WWOX: variants seen among roughly 807,000 people sequenced by gnomAD.
WWOX encodes the protein WW domain containing oxidoreductase.
A neutral mutation model predicts 46.2 loss-of-function variants in WWOX; 69 were observed. The ratio of observed to expected loss-of-function variants is 1.49; its 90% CI spans 1.23 to 1.82. The LOEUF is 1.82. Among genes scored for constraint, WWOX ranks in the 40% most tolerant of loss-of-function variants. The probability of loss-of-function intolerance (pLI) is 0.00; values close to 1 mark genes in which losing one functional copy is unlikely to be tolerated. For synonymous variants in WWOX, 359 were observed against 202.6 expected (o/e 1.77, Z -6.56); for missense variants, 919 against 542.6 (o/e 1.69, Z -6.89).
chr16:78,378,691 A>G (rs760145525), intron 5 of WWOX, among the ~76,000 whole-genome samples: 14 of 152,322 alleles, frequency 9.2e-5, no homozygotes, highest in Admixed American at 2.0e-4. Context: ...GACTGAGAGT[A>G]TGTAAAGCGG....
intron 8 of WWOX, among the ~76,000 whole-genome samples, chr16:78,678,290 C>T (rs114212716): frequency 0.02 from 3,068 of 152,254 alleles, 114 homozygotes; most frequent in African/African-American, 0.069. Context: ...ACAGGAGGAT[C>T]GCTTGAGCCC....
In WWOX at chr16:79,212,110, CTTTTACTGTTATAGAATA is replaced by C. The variant is rs766587457; in HGVS notation, c.*315_*332del. On this transcript the variant is annotated 3_prime_UTR_variant, in exon 9 of 9. Coordinates refer to ENST00000566780, the MANE Select transcript of WWOX (RefSeq NM_016373.4). ...TGGAGAAGCACCAGCAATTCTCTTT[CTTTTACTGTTATAGAATA>C]GCCTGAGGTCCCCTCGTCCCATCCA... The C allele has an allele frequency of 9.1e-6, 14 of 1,535,676 alleles. 1 individual carries two copies. In the South Asian group the frequency reaches 1.7e-4, roughly 18 times the overall value.
chr16:78,942,399 G>A (rs2045869785), intron 8 of WWOX, among the ~76,000 whole-genome samples: 1 of 152,032 alleles, frequency 6.6e-6, no homozygotes, highest in African/African-American at 2.4e-5. Flanking sequence ...TTGCACTCTC[G>A]GGAGCAGTTT....
At chr16:78,905,482 AG>A (rs2044938495) in intron 8 of WWOX, among the ~76,000 whole-genome samples, 1 of 152,176 alleles carries the variant, frequency 6.6e-6, no homozygotes, top group Admixed American at 6.5e-5. Context: ...CCTGGGTGCA[AG>A]TAATCCTCCC....
At chr16:78,686,698 G>T (rs1468664221) in intron 8 of WWOX, among the ~76,000 whole-genome samples, 5 of 152,122 alleles carry the variant, frequency 3.3e-5, no homozygotes, top group African/African-American at 1.2e-4. Flanking sequence ...CGGGAATCCA[G>T]TTGTTTTAGG....
intron 8 of WWOX, among the ~76,000 whole-genome samples, chr16:79,139,581 T>C (rs2050048828): frequency 6.6e-6 from 1 of 152,248 alleles, no homozygotes; most frequent in African/African-American, 2.4e-5. Flanking sequence ...GGGCTTTTTC[T>C]TTTTTCTTTT....
At chr16:78,857,304 A>G (rs973571404) in intron 8 of WWOX, among the ~76,000 whole-genome samples, 4 of 152,226 alleles carry the variant, frequency 2.6e-5, no homozygotes, top group Admixed American at 1.3e-4. Flanking sequence ...GAAATTGAAC[A>G]ATGAGATACT....
At chr16:78,852,335 C>G (rs1249179019) in intron 8 of WWOX, among the ~76,000 whole-genome samples, 4 of 152,170 alleles carry the variant, frequency 2.6e-5, no homozygotes, top group African/African-American at 4.8e-5. Context: ...AGCTAGGTGA[C>G]AAAATACATT....
At chr16:78,110,534 C>G (rs2032432470) in intron 3 of WWOX, among the ~76,000 whole-genome samples, 1 of 152,042 alleles carries the variant, frequency 6.6e-6, no homozygotes, top group African/African-American at 2.4e-5. Flanking sequence ...GACATTAATG[C>G]TAAATTCCTG....
At chr16:78,503,957 A>G (rs1206670024) in intron 8 of WWOX, among the ~76,000 whole-genome samples, 1 of 152,222 alleles carries the variant, frequency 6.6e-6, no homozygotes, top group Non-Finnish European at 1.5e-5. Flanking sequence ...CTTTCTCTGA[A>G]CTTGGAAGCT....
At position 78,109,785 on chromosome 16, in the gene WWOX, A is replaced by T. The variant is rs776751003; in HGVS notation, c.180A>T (p.Pro60=). The change falls in exon 3 of 9, where the codon CCA becomes CCT. Residue 60 remains proline, a synonymous_variant. Coordinates refer to ENST00000566780, the MANE Select transcript of WWOX (RefSeq NM_016373.4). ...GKRKRVAGDL[P]YGWEQETDEN... is the part of the protein sequence containing the mutation. ...GTCTTTCTTGTGTTTCAGATTTGCC[A>T]TACGGATGGGAACAAGAAACTGATG... is the stretch of plus-strand genomic sequence containing the variant. The T allele has an allele frequency of 6.2e-7, 1 of 1,614,152 alleles. No individual in the cohort carries two copies. The highest frequency in any genetic ancestry group is 8.5e-7 in the Non-Finnish European group (1 of 1,180,028).
chr16:78,622,069 C>G (rs951270987), intron 8 of WWOX, among the ~76,000 whole-genome samples: 1 of 152,150 alleles, frequency 6.6e-6, no homozygotes, highest in Non-Finnish European at 1.5e-5. Context: ...ACTGTGCATT[C>G]TAAGCACACC....
At chr16:79,187,797 C>T (rs1484498229) in intron 8 of WWOX, among the ~76,000 whole-genome samples, 1 of 152,248 alleles carries the variant, frequency 6.6e-6, no homozygotes. Flanking sequence ...TGGCCTTGGC[C>T]TCCCACATTG....
At chr16:78,982,086 C>T (rs1011101221) in intron 8 of WWOX, among the ~76,000 whole-genome samples, 3 of 152,102 alleles carry the variant, frequency 2.0e-5, no homozygotes, top group African/African-American at 7.2e-5. Context: ...ATCTGAGCCT[C>T]ACTGGGGATG....
intron 5 of WWOX, among the ~76,000 whole-genome samples, chr16:78,375,078 A>C (rs1337728322): frequency 6.6e-6 from 1 of 152,212 alleles, no homozygotes; most frequent in Non-Finnish European, 1.5e-5. Context: ...TTTTTTCCGA[A>C]GCACATTTAA....
At chr16:78,986,375 C>G (rs1294212617) in intron 8 of WWOX, among the ~76,000 whole-genome samples, 2 of 152,196 alleles carry the variant, frequency 1.3e-5, no homozygotes, top group South Asian at 2.1e-4. Context: ...AATATCCTCC[C>G]TGTGCTCCAC....
intron 8 of WWOX, among the ~76,000 whole-genome samples, chr16:78,464,248 G>C (rs1036253188): frequency 2.0e-5 from 3 of 151,876 alleles, no homozygotes; most frequent in Non-Finnish European, 2.9e-5. Context: ...GGGAGAGACG[G>C]AGGGAGATGG....
At chr16:78,501,598 G>T (rs1370798576) in intron 8 of WWOX, among the ~76,000 whole-genome samples, 3 of 151,412 alleles carry the variant, frequency 2.0e-5, no homozygotes, top group Non-Finnish European at 4.4e-5. Flanking sequence ...GTGCAGTGGT[G>T]GGATCTTGGC....
chr16:79,033,700 G>C (rs1156820982), intron 8 of WWOX, among the ~76,000 whole-genome samples: 2 of 152,168 alleles, frequency 1.3e-5, no homozygotes, highest in African/African-American at 4.8e-5. Flanking sequence ...TGTACCCACA[G>C]AACACTGGCT....
Sources: gnomAD v4.1 joint callset for allele counts (sites outside exome capture counted in the v4.1 genomes callset) on GRCh38, gnomAD v4.1.1 for gene constraint, MANE v1.5 for transcripts, NCBI Gene and HGNC (gene_info 2026-07-23, HGNC 2026-07-21) for gene names.